Variants in SLC2A13 observed in about 807,000 individuals in gnomAD.
The protein encoded by SLC2A13 is proton myo-inositol cotransporter.
SLC2A13 carries 32 observed loss-of-function variants against 64.4 expected under a neutral mutation model. The observed-to-expected ratio is 0.50, with a 90% CI of 0.37 to 0.67. The LOEUF (loss-of-function observed/expected upper bound fraction) is 0.67. SLC2A13 is among the 30% of genes least tolerant of loss of function. SLC2A13 has a pLI of 0.00. For missense variants in SLC2A13, 743 were observed against 829.2 expected (o/e 0.90, Z 1.28); for synonymous variants, 338 against 327.1 (o/e 1.03, Z -0.36).
At chr12:39,929,600 AAGAG>A (rs1047969230) in intron 4 of SLC2A13, among the ~76,000 whole-genome samples, 1 of 151,926 alleles carries the variant, frequency 6.6e-6, no homozygotes, top group Non-Finnish European at 1.5e-5. Flanking sequence ...ACTCAGCCAC[AAGAG>A]AGAGGGGTAA....
chr12:39,779,211 C>G (rs1216822922), intron 7 of SLC2A13, among the ~76,000 whole-genome samples: 3 of 152,168 alleles, frequency 2.0e-5, no homozygotes, highest in Non-Finnish European at 4.4e-5. Flanking sequence ...AGCCATTCAA[C>G]CTCACTGGAC....
chr12:39,960,918 T>C (rs1006617554), intron 3 of SLC2A13, among the ~76,000 whole-genome samples: 3 of 151,564 alleles, frequency 2.0e-5, no homozygotes, highest in African/African-American at 7.3e-5. Flanking sequence ...TGGCAAAATT[T>C]TGTATTTTGG....
intron 4 of SLC2A13, among the ~76,000 whole-genome samples, chr12:39,932,339 TA>T (rs780320182): frequency 6.6e-6 from 1 of 152,182 alleles, no homozygotes; most frequent in Non-Finnish European, 1.5e-5. Flanking sequence ...ATCCAATGCT[TA>T]AAATGACCCC....
chr12:39,823,648 T>C (rs1942585287), intron 7 of SLC2A13, among the ~76,000 whole-genome samples: 1 of 152,158 alleles, frequency 6.6e-6, no homozygotes, highest in African/African-American at 2.4e-5. Context: ...GGAGTTCTGC[T>C]ATGTTGCCCA....
At chr12:39,792,734 T>G (rs538130735) in intron 7 of SLC2A13, among the ~76,000 whole-genome samples, 1 of 152,226 alleles carries the variant, frequency 6.6e-6, no homozygotes, top group Admixed American at 6.5e-5. Flanking sequence ...CTGCAAGTAC[T>G]GTATTTTTTT....
At chr12:39,790,554 C>CT (rs1194646891) in intron 7 of SLC2A13, among the ~76,000 whole-genome samples, 1 of 148,028 alleles carries the variant, frequency 6.8e-6, no homozygotes, top group Non-Finnish European at 1.5e-5. Context: ...TGAACTCATC[C>CT]TTTTTTATGG....
chr12:39,973,211 A>C (rs1423012195), intron 3 of SLC2A13, among the ~76,000 whole-genome samples: 1 of 152,174 alleles, frequency 6.6e-6, no homozygotes, highest in Admixed American at 6.5e-5. Flanking sequence ...ACCTCTACTA[A>C]GCAGATTCAA....
chr12:39,877,102 A>G (rs1172801083), intron 4 of SLC2A13, among the ~76,000 whole-genome samples: 4 of 152,098 alleles, frequency 2.6e-5, no homozygotes. Context: ...AAATAATTAT[A>G]TTTTCCTATT....
chr12:39,802,673 T>A (rs914688774), intron 7 of SLC2A13, among the ~76,000 whole-genome samples: 2 of 152,160 alleles, frequency 1.3e-5, no homozygotes, highest in Non-Finnish European at 2.9e-5. Flanking sequence ...ATATTTATAT[T>A]TATATATGTC....
chr12:39,984,938 C>A (rs1225926814), intron 3 of SLC2A13, among the ~76,000 whole-genome samples: 2 of 152,012 alleles, frequency 1.3e-5, no homozygotes, highest in Non-Finnish European at 2.9e-5. Flanking sequence ...GGGAAATCAC[C>A]AAGAAGGAAG....
At chr12:40,067,812 A>G (rs1288538140) in intron 1 of SLC2A13, among the ~76,000 whole-genome samples, 1 of 152,200 alleles carries the variant, frequency 6.6e-6, no homozygotes, top group Non-Finnish European at 1.5e-5. Context: ...AAGAATATTC[A>G]GCATAAAATC....
chr12:39,851,769 T>C (rs879631747), intron 6 of SLC2A13, among the ~76,000 whole-genome samples: 2 of 152,334 alleles, frequency 1.3e-5, no homozygotes, highest in Admixed American at 6.5e-5. Context: ...CTTTGAGTCA[T>C]TGATCACTGC....
chr12:40,085,227 T>C (rs1247166117), intron 1 of SLC2A13, among the ~76,000 whole-genome samples: 1 of 152,216 alleles, frequency 6.6e-6, no homozygotes, highest in African/African-American at 2.4e-5. Flanking sequence ...TATCTGTTTG[T>C]ATCCTTTGAA....
chr12:40,096,696 C>G (rs1027707829), intron 1 of SLC2A13, among the ~76,000 whole-genome samples: 12 of 151,854 alleles, frequency 7.9e-5, no homozygotes, highest in African/African-American at 2.4e-4. Flanking sequence ...TGATTCTGTT[C>G]CATTCATCCT....
chr12:40,043,437 C>T (rs1364134912), intron 2 of SLC2A13, among the ~76,000 whole-genome samples: 1 of 151,886 alleles, frequency 6.6e-6, no homozygotes, highest in Non-Finnish European at 1.5e-5. Context: ...TGAGACCAGC[C>T]TGGCCAACAT....
chr12:39,854,286 G>C (rs923207166), intron 6 of SLC2A13, among the ~76,000 whole-genome samples: 1 of 151,992 alleles, frequency 6.6e-6, no homozygotes, highest in South Asian at 2.1e-4. Context: ...GAAAGTTTAA[G>C]GGTAATAGGT....
At chr12:40,012,475 G>GGAATTGTAT in intron 3 of SLC2A13, among the ~76,000 whole-genome samples, 1 of 152,154 alleles carries the variant, frequency 6.6e-6, no homozygotes, top group Admixed American at 6.6e-5. Flanking sequence ...TTTCCAGAAA[G>GGAATTGTAT]ATCAAGGGAG....
rs557010425 is a variant in SLC2A13, at chr12:39,970,462, C to T, written c.926-19097G>A. On this transcript the variant is annotated intron_variant, in intron 3 of 9. Transcript: ENST00000280871. ...ATCCTTAGATGATTCTTTTTTAATA[C>T]ACTCATTGGTACCTTTGCCTTTTGT... Among the ~76,000 whole-genome samples, 4 of 152,186 alleles carry T rather than the reference C, an allele frequency of 2.6e-5. No individual in the cohort carries two copies. The South Asian group carries it at 6.2e-4, about 24-fold the overall frequency.
At chr12:39,885,610 CA>C (rs1397688623) in intron 4 of SLC2A13, among the ~76,000 whole-genome samples, 2 of 152,130 alleles carry the variant, frequency 1.3e-5, no homozygotes, top group East Asian at 3.8e-4. Flanking sequence ...ACCACCGAAG[CA>C]CCCAGAGAAA....
Sources: allele counts gnomAD v4.1 joint callset (sites outside exome capture counted in the v4.1 genomes callset), GRCh38; gene constraint gnomAD v4.1.1; transcripts MANE v1.5; gene names NCBI Gene and HGNC (gene_info 2026-07-23, HGNC 2026-07-21).